Variants in SLC4A4 observed in about 807,000 individuals in gnomAD.
SLC4A4 encodes the protein electrogenic sodium bicarbonate cotransporter 1.
Under a neutral mutation model 111.5 loss-of-function variants are expected in SLC4A4, and 27 were observed. That is an observed-to-expected ratio of 0.24 (90% CI 0.18 to 0.33). SLC4A4 has a LOEUF of 0.33. Among genes scored for constraint, SLC4A4 ranks in the 10% least tolerant of loss-of-function variants. The pLI, the probability that SLC4A4 is intolerant of heterozygous loss-of-function variation, is 1.00. For missense variants in SLC4A4, 909 were observed against 1,315.5 expected (o/e 0.69, Z 4.78); for synonymous variants, 443 against 463.4 (o/e 0.96, Z 0.57).
At chr4:71,438,869 G>A (rs1404381333) in intron 7 of SLC4A4, among the ~76,000 whole-genome samples, 2 of 151,898 alleles carry the variant, frequency 1.3e-5, no homozygotes, top group African/African-American at 4.8e-5. Flanking sequence ...CTTTAAGTTG[G>A]CAAGTCTTAA....
intron 7 of SLC4A4, among the ~76,000 whole-genome samples, chr4:71,440,212 G>A (rs1487029514): frequency 6.6e-6 from 1 of 151,358 alleles, no homozygotes; most frequent in African/African-American, 2.4e-5. Context: ...TTCCTCTGTG[G>A]TAATATGAGT....
intron 1 of SLC4A4, among the ~76,000 whole-genome samples, chr4:71,199,403 G>A (rs567269504): frequency 6.6e-6 from 1 of 152,094 alleles, no homozygotes; most frequent in South Asian, 2.1e-4. Context: ...TTTTGGTTTG[G>A]GGTTTATCTG....
At chr4:71,145,579 G>T (rs1305048903) in intron 2 of SLC4A4, among the ~76,000 whole-genome samples, 1 of 147,974 alleles carries the variant, frequency 6.8e-6, no homozygotes, top group Non-Finnish European at 1.5e-5. Context: ...TCTGGTCCTG[G>T]ATTTTTTTTA....
At chr4:71,294,978 C>G (rs1352391169) in intron 3 of SLC4A4, among the ~76,000 whole-genome samples, 2 of 152,166 alleles carry the variant, frequency 1.3e-5, no homozygotes, top group East Asian at 3.8e-4. Flanking sequence ...TTTTCTGAGA[C>G]TAGTATTTAC....
At chr4:71,563,245 A>C (rs1737152808) in intron 23 of SLC4A4, among the ~76,000 whole-genome samples, 1 of 151,866 alleles carries the variant, frequency 6.6e-6, no homozygotes, top group Non-Finnish European at 1.5e-5. Flanking sequence ...ATTGAAATGA[A>C]CCTTTATCCA....
At chr4:71,229,343 A>T (rs183991015) in intron 1 of SLC4A4, among the ~76,000 whole-genome samples, 140 of 152,324 alleles carry the variant, frequency 9.2e-4, no homozygotes, top group African/African-American at 3.3e-3. Flanking sequence ...TTTCTACTAT[A>T]CTTAAAGCTG....
intron 2 of SLC4A4, among the ~76,000 whole-genome samples, chr4:71,239,116 T>A (rs1720004801): frequency 6.6e-6 from 1 of 152,162 alleles, no homozygotes; most frequent in Non-Finnish European, 1.5e-5. Flanking sequence ...AATGCCTCAG[T>A]TTTAAGGGTC....
At chr4:71,518,535 G>A (rs1447856746) in intron 16 of SLC4A4, among the ~76,000 whole-genome samples, 1 of 152,066 alleles carries the variant, frequency 6.6e-6, no homozygotes, top group Non-Finnish European at 1.5e-5. Context: ...GGTGGGCCTG[G>A]AGCCTGAGGC....
At chr4:71,096,648 C>T (rs769704913) in intron 2 of SLC4A4, among the ~76,000 whole-genome samples, 2 of 152,056 alleles carry the variant, frequency 1.3e-5, no homozygotes, top group African/African-American at 2.4e-5. Flanking sequence ...CTTTTTGCTG[C>T]GAGTTCCAAT....
intron 3 of SLC4A4, among the ~76,000 whole-genome samples, chr4:71,316,914 A>C (rs776267989): frequency 6.6e-6 from 1 of 152,052 alleles, no homozygotes; most frequent in African/African-American, 2.4e-5. Flanking sequence ...AAGAGATAGA[A>C]TCTTGCTGTA....
chr4:71,219,126 TA>T (rs1458170707), intron 1 of SLC4A4, among the ~76,000 whole-genome samples: 2 of 152,202 alleles, frequency 1.3e-5, no homozygotes, highest in African/African-American at 4.8e-5. Context: ...CACTTTAAGT[TA>T]AAAGCTAGAA....
At chr4:71,266,901 G>T (rs1722308175) in intron 3 of SLC4A4, among the ~76,000 whole-genome samples, 1 of 152,158 alleles carries the variant, frequency 6.6e-6, no homozygotes, top group Non-Finnish European at 1.5e-5. Context: ...TGGGGCTATA[G>T]AAATGAAAAT....
chr4:71,337,125 T>C (rs1728492472), intron 3 of SLC4A4, among the ~76,000 whole-genome samples: 1 of 152,214 alleles, frequency 6.6e-6, no homozygotes, highest in Non-Finnish European at 1.5e-5. Context: ...ACATGTTAGT[T>C]ACGTAGTGAT....
intron 3 of SLC4A4, among the ~76,000 whole-genome samples, chr4:71,337,287 G>A (rs928946227): frequency 3.3e-5 from 5 of 152,288 alleles, no homozygotes; most frequent in South Asian, 4.1e-4. Flanking sequence ...ACTGAGCACC[G>A]TGAGGGCTGC....
At chr4:71,319,058 C>T (rs1726919622) in intron 3 of SLC4A4, among the ~76,000 whole-genome samples, 2 of 151,812 alleles carry the variant, frequency 1.3e-5, no homozygotes, top group Non-Finnish European at 2.9e-5. Context: ...ATTGCTGATT[C>T]TGTTTTGTTT....
chr4:71,480,020 C>CTT (rs34425929), intron 14 of SLC4A4, among the ~76,000 whole-genome samples: 9 of 127,416 alleles, frequency 7.1e-5, no homozygotes, highest in African/African-American at 2.5e-4. Flanking sequence ...ATATGCCCAT[C>CTT]TTTTTTTTTT....
chr4:71,138,371 C>T (rs1056185238), intron 2 of SLC4A4, among the ~76,000 whole-genome samples: 4 of 152,086 alleles, frequency 2.6e-5, no homozygotes, highest in Non-Finnish European at 4.4e-5. Context: ...AATCAAATGA[C>T]GATCATGGTT....
At chr4:71,500,734 C>T (rs72650384) in intron 16 of SLC4A4, among the ~76,000 whole-genome samples, 368 of 152,276 alleles carry the variant, frequency 2.4e-3, no homozygotes, top group Admixed American at 4.7e-3. Context: ...ATTGCTGTTA[C>T]CCCATTGTGT....
chr4:71,295,476 C>G, intron 3 of SLC4A4, among the ~76,000 whole-genome samples: 1 of 152,182 alleles, frequency 6.6e-6, no homozygotes, highest in East Asian at 1.9e-4. Context: ...AATCATAGAA[C>G]TGAATTCCTT....
Sources: gnomAD v4.1 joint callset for allele counts (sites outside exome capture counted in the v4.1 genomes callset) on GRCh38, gnomAD v4.1.1 for gene constraint, MANE v1.5 for transcripts, NCBI Gene and HGNC (gene_info 2026-07-23, HGNC 2026-07-21) for gene names.